Variants in RBFOX1 observed in about 807,000 individuals in gnomAD.
RBFOX1 encodes the protein RNA binding protein fox-1 homolog 1.
A neutral mutation model predicts 57.7 loss-of-function variants in RBFOX1; 8 were observed. The observed-to-expected ratio is 0.14, with a 90% CI of 0.08 to 0.25. RBFOX1 has a LOEUF of 0.25. RBFOX1 is among the 10% of genes least tolerant of loss of function. The probability of loss-of-function intolerance (pLI) is 1.00; values close to 1 mark genes in which losing one functional copy is unlikely to be tolerated. For synonymous variants in RBFOX1, 326 were observed against 222.4 expected (o/e 1.47, Z -4.15); for missense variants, 611 against 548.5 (o/e 1.11, Z -1.14).
intron 4 of RBFOX1, among the ~76,000 whole-genome samples, chr16:5,899,994 C>T (rs1444357523): frequency 6.6e-6 from 1 of 152,162 alleles, no homozygotes; most frequent in African/African-American, 2.4e-5. Context: ...GGGAGGATTG[C>T]TTGAACCCAG....
intron 1 of RBFOX1, among the ~76,000 whole-genome samples, chr16:6,255,830 G>T (rs543299494): frequency 2.6e-5 from 4 of 152,070 alleles, no homozygotes; most frequent in Admixed American, 1.3e-4. Context: ...TGATAAGAGG[G>T]AGTTGAACAA....
At chr16:6,256,255 ATG>A (rs774666870) in intron 1 of RBFOX1, among the ~76,000 whole-genome samples, 6 of 110,356 alleles carry the variant, frequency 5.4e-5, no homozygotes, top group African/African-American at 2.9e-4. Context: ...ATGTATATAT[ATG>A]TGTATATATA....
At chr16:6,054,780 T>TTTATTA (rs575973559) in intron 1 of RBFOX1, among the ~76,000 whole-genome samples, 1 of 152,072 alleles carries the variant, frequency 6.6e-6, no homozygotes, top group African/African-American at 2.4e-5. Flanking sequence ...GGCTACTTTT[T>TTTATTA]TTATTATTAT....
At chr16:6,166,940 AT>A (rs71404592) in intron 1 of RBFOX1, among the ~76,000 whole-genome samples, 26,280 of 151,600 alleles carry the variant, frequency 0.17, 2,975 homozygotes, top group Middle Eastern at 0.25. Flanking sequence ...CACCTAGCTA[AT>A]TTTTTTTATT....
chr16:6,108,586 C>G (rs147056903), intron 1 of RBFOX1, among the ~76,000 whole-genome samples: 96 of 152,254 alleles, frequency 6.3e-4, no homozygotes, highest in African/African-American at 2.1e-3. Context: ...TATAAATGTT[C>G]TTTGGTGCAA....
chr16:7,067,748 A>C (rs1264774764), intron 4 of RBFOX1, among the ~76,000 whole-genome samples: 3 of 130,240 alleles, frequency 2.3e-5, no homozygotes, highest in African/African-American at 3.0e-5. Context: ...ATGTGTTCTC[A>C]TTGTTCAATT....
At chr16:6,880,778 T>C (rs1361174982) in intron 3 of RBFOX1, among the ~76,000 whole-genome samples, 1 of 151,188 alleles carries the variant, frequency 6.6e-6, no homozygotes, top group African/African-American at 2.5e-5. Context: ...TATTGTTATA[T>C]TTTTATTACA....
chr16:7,078,338 C>T (rs1054911897), intron 4 of RBFOX1, among the ~76,000 whole-genome samples: 1 of 152,104 alleles, frequency 6.6e-6, no homozygotes, highest in Non-Finnish European at 1.5e-5. Flanking sequence ...TTGTTTATAA[C>T]CAACCCCATA....
At chr16:7,533,075 TCTGA>T (rs1450991154) in intron 5 of RBFOX1, among the ~76,000 whole-genome samples, 3 of 152,244 alleles carry the variant, frequency 2.0e-5, no homozygotes, top group East Asian at 1.9e-4. Context: ...ATCCGTCCCC[TCTGA>T]CTATTTGTCA....
intron 3 of RBFOX1, among the ~76,000 whole-genome samples, chr16:5,777,573 G>C (rs1200836072): frequency 1.3e-5 from 2 of 152,170 alleles, no homozygotes; most frequent in African/African-American, 4.8e-5. Flanking sequence ...CTTACTCCTT[G>C]TATAAATGGT....
chr16:6,162,261 G>T (rs529037440), intron 1 of RBFOX1, among the ~76,000 whole-genome samples: 169 of 152,214 alleles, frequency 1.1e-3, no homozygotes, highest in African/African-American at 3.8e-3. Flanking sequence ...GGGATTACAG[G>T]CACACCACTA....
At chr16:7,233,037 T>G (rs2093589962) in intron 4 of RBFOX1, among the ~76,000 whole-genome samples, 1 of 152,104 alleles carries the variant, frequency 6.6e-6, no homozygotes, top group Non-Finnish European at 1.5e-5. Flanking sequence ...CATTTCCCTT[T>G]TCAATCCCTT....
intron 1 of RBFOX1, among the ~76,000 whole-genome samples, chr16:6,088,227 A>G (rs2096118249): frequency 6.6e-6 from 1 of 151,324 alleles, no homozygotes; most frequent in Non-Finnish European, 1.5e-5. Flanking sequence ...GTATTGCCTC[A>G]GTTGGATCAT....
At chr16:7,677,986 A>T (rs1175348038) in intron 14 of RBFOX1, among the ~76,000 whole-genome samples, 1 of 152,180 alleles carries the variant, frequency 6.6e-6, no homozygotes, top group East Asian at 1.9e-4. Context: ...AATTGTAGCT[A>T]CAGAATTCTT....
At chr16:7,435,292 G>T (rs141137745) in intron 4 of RBFOX1, among the ~76,000 whole-genome samples, 1 of 152,110 alleles carries the variant, frequency 6.6e-6, no homozygotes, top group African/African-American at 2.4e-5. Flanking sequence ...CTCCACTGAG[G>T]AGTTTGTCTG....
At chr16:6,762,716 G>A (rs914872298) in intron 3 of RBFOX1, among the ~76,000 whole-genome samples, 1 of 152,158 alleles carries the variant, frequency 6.6e-6, no homozygotes, top group Non-Finnish European at 1.5e-5. Context: ...AGAATAGGTT[G>A]AGTTCTAGAG....
At chr16:7,617,308 T>A in intron 10 of RBFOX1, among the ~76,000 whole-genome samples, 1 of 152,228 alleles carries the variant, frequency 6.6e-6, no homozygotes, top group Non-Finnish European at 1.5e-5. Flanking sequence ...CATGATTGTT[T>A]TCCAGTAAAA....
At chr16:7,464,670 ACTT>A (rs763360119) in intron 4 of RBFOX1, among the ~76,000 whole-genome samples, 47 of 140,214 alleles carry the variant, frequency 3.4e-4, no homozygotes, top group Non-Finnish European at 6.1e-4. Flanking sequence ...CGCCCGAAAT[ACTT>A]CTTGTATTGT....
chr16:7,574,914 C>T (rs181626572), intron 5 of RBFOX1, among the ~76,000 whole-genome samples: 12 of 152,240 alleles, frequency 7.9e-5, no homozygotes, highest in Admixed American at 1.3e-4. Context: ...TGGTGGAGGA[C>T]GCATTGCCTC....
Sources: allele counts gnomAD v4.1 joint callset (sites outside exome capture counted in the v4.1 genomes callset), GRCh38; gene constraint gnomAD v4.1.1; transcripts MANE v1.5; gene names NCBI Gene and HGNC (gene_info 2026-07-23, HGNC 2026-07-21).